GRM8: variants seen among roughly 807,000 people sequenced by gnomAD.
The protein encoded by GRM8 is glutamate metabotropic receptor 8.
Under a neutral mutation model 87.2 loss-of-function variants are expected in GRM8, and 47 were observed. The ratio of observed to expected loss-of-function variants is 0.54; its 90% CI spans 0.43 to 0.69. The LOEUF (loss-of-function observed/expected upper bound fraction) is 0.69, where lower values mean the gene tolerates loss of function less well. Ranked by LOEUF, GRM8 falls within the 30% of genes least tolerant of loss-of-function variation. GRM8 has a pLI of 0.00. For synonymous variants in GRM8, 396 were observed against 404.5 expected (o/e 0.98, Z 0.25); for missense variants, 1,019 against 1,139.2 (o/e 0.89, Z 1.52).
chr7:126,769,939 A>G lies in GRM8; in HGVS notation c.1283T>C (p.Ile428Thr), dbSNP rs1463511542. The change falls in exon 7 of 11, where the codon ATT becomes ACT. Residue 428 changes from isoleucine to threonine, a missense_variant. By Grantham distance (89) the Ile-to-Thr change is moderately conservative (BLOSUM62 -1). Transcript: ENST00000339582. The part of the protein sequence containing the change: ...NMHKDLCPGY[I>T]GLCPRMSTID... ...GGTACTCATTCGTGGACAAAGGCCA[A>G]TGTATCCAGGGCAGAGATCTTTGTG... 2.5e-6 allele frequency: 4 copies of G among 1,612,932 alleles called. No individual in the cohort carries two copies. The highest frequency in any genetic ancestry group is 1.7e-4 in the Middle Eastern group (1 of 6,054).
chr7:126,743,900 T>TA (rs34790716), intron 7 of GRM8, among the ~76,000 whole-genome samples: 58,504 of 150,354 alleles, frequency 0.39, 12,421 homozygotes, highest in Non-Finnish European at 0.48. Context: ...GCACTTATGG[T>TA]AAAAAAAAAT....
intron 3 of GRM8, among the ~76,000 whole-genome samples, chr7:127,016,595 C>T (rs951132689): frequency 2.6e-5 from 4 of 151,954 alleles, no homozygotes; most frequent in Non-Finnish European, 5.9e-5. Flanking sequence ...TTGACAAATG[C>T]ACCAAACAAA....
chr7:126,607,158 G>A (rs1395029936), intron 8 of GRM8, among the ~76,000 whole-genome samples: 1 of 152,166 alleles, frequency 6.6e-6, no homozygotes, highest in Non-Finnish European at 1.5e-5. Context: ...TCAATAACCT[G>A]TGGCATTATC....
intron 9 of GRM8, among the ~76,000 whole-genome samples, chr7:126,476,345 G>A (rs1346766471): frequency 2.0e-5 from 3 of 152,078 alleles, no homozygotes; most frequent in Admixed American, 2.0e-4. Context: ...TGAGCCCAGG[G>A]GTTCGAGGCT....
At chr7:126,499,516 C>T (rs78016583) in intron 9 of GRM8, among the ~76,000 whole-genome samples, 8 of 151,748 alleles carry the variant, frequency 5.3e-5, no homozygotes, top group African/African-American at 1.9e-4. Context: ...TCTGCACTCC[C>T]GTGTTCATTA....
chr7:126,446,114 C>G lies in GRM8; in HGVS notation c.2677+12G>C, dbSNP rs1801989809. 8 of 1,612,510 alleles carry G rather than the reference C, an allele frequency of 5.0e-6. No individual in the cohort carries two copies. The highest frequency in any genetic ancestry group is 2.2e-5 in the South Asian group (2 of 91,050). On this transcript the variant is annotated intron_variant, in intron 10 of 10. Coordinates refer to ENST00000339582, the MANE Select transcript of GRM8 (RefSeq NM_000845.3). ...CCGCTCTTGACCATCGGAAACTCTA[C>G]AGATGACTTACTGTTGGTTTCAAGA...
chr7:126,476,698 T>C (rs969537465), intron 9 of GRM8, among the ~76,000 whole-genome samples: 1 of 151,994 alleles, frequency 6.6e-6, no homozygotes, highest in African/African-American at 2.4e-5. Flanking sequence ...AATGACACAT[T>C]ACCTCACAAC....
In GRM8 at chr7:126,703,232, G is replaced by A. The variant is rs141580691; in HGVS notation, c.1357+66633C>T. Among the ~76,000 whole-genome samples the A allele has an allele frequency of 6.7e-4, 102 of 152,316 alleles. No homozygotes were observed. The East Asian group carries it at 0.018, about 27-fold the overall frequency. ...TGTCAGTAGTACTAGCAGGGGTGAGGAAAAGGAGGAATTAAATTCTTGGCT... is the reference window on the plus strand; with the variant it reads ...TGTCAGTAGTACTAGCAGGGGTGAGAAAAAGGAGGAATTAAATTCTTGGCT... On this transcript the variant is annotated intron_variant, in intron 7 of 10. Coordinates refer to ENST00000339582, the MANE Select transcript of GRM8 (RefSeq NM_000845.3).
intron 3 of GRM8, among the ~76,000 whole-genome samples, chr7:127,088,778 C>T (rs1823756551): frequency 6.6e-6 from 1 of 152,178 alleles, no homozygotes; most frequent in Non-Finnish European, 1.5e-5. Flanking sequence ...CTCTCTGTGG[C>T]TTTGACCATA....
intron 7 of GRM8, among the ~76,000 whole-genome samples, chr7:126,713,441 G>A (rs911326559): frequency 3.3e-4 from 50 of 152,080 alleles, no homozygotes; most frequent in African/African-American, 1.2e-3. Context: ...CACCAGGCCT[G>A]TTGGCAGGTA....
chr7:126,586,027 T>A (rs1315076659), intron 8 of GRM8, among the ~76,000 whole-genome samples: 1 of 152,112 alleles, frequency 6.6e-6, no homozygotes, highest in African/African-American at 2.4e-5. Context: ...AGCATTCTCA[T>A]ATACCAATAA....
chr7:126,945,874 G>C (rs1807480155), intron 3 of GRM8, among the ~76,000 whole-genome samples: 1 of 152,182 alleles, frequency 6.6e-6, no homozygotes, highest in African/African-American at 2.4e-5. Context: ...ATTATTAATA[G>C]TGTAACTTAG....
At chr7:127,109,068 C>T (rs562273301) in intron 2 of GRM8, among the ~76,000 whole-genome samples, 68 of 152,168 alleles carry the variant, frequency 4.5e-4, no homozygotes, top group Middle Eastern at 3.4e-3. Context: ...TTCTACCACC[C>T]GCAAATTAAA....
chr7:126,856,635 T>C (rs771889872), intron 6 of GRM8, among the ~76,000 whole-genome samples: 12 of 152,180 alleles, frequency 7.9e-5, no homozygotes, highest in Non-Finnish European at 1.6e-4. Context: ...CAGGAAATAT[T>C]TTAGCTAATT....
intron 9 of GRM8, among the ~76,000 whole-genome samples, chr7:126,505,315 T>C (rs935768293): frequency 2.0e-5 from 3 of 152,088 alleles, no homozygotes; most frequent in African/African-American, 7.2e-5. Context: ...ATACCTTAAG[T>C]ATCTTCTCGA....
At chr7:126,997,685 G>C (rs1354722186) in intron 3 of GRM8, among the ~76,000 whole-genome samples, 1 of 151,676 alleles carries the variant, frequency 6.6e-6, no homozygotes, top group African/African-American at 2.4e-5. Context: ...AATATGTGGA[G>C]GAAACGGATA....
At chr7:126,840,504 C>A (rs1161097797) in intron 6 of GRM8, among the ~76,000 whole-genome samples, 1 of 151,958 alleles carries the variant, frequency 6.6e-6, no homozygotes, top group Non-Finnish European at 1.5e-5. Context: ...TAGTTTTTTT[C>A]TCATTCATTA....
chr7:126,818,083 A>T (rs1221829496), intron 6 of GRM8, among the ~76,000 whole-genome samples: 1 of 152,180 alleles, frequency 6.6e-6, no homozygotes, highest in South Asian at 2.1e-4. Flanking sequence ...AAATTAAACA[A>T]AAAATTATTA....
intron 8 of GRM8, among the ~76,000 whole-genome samples, chr7:126,566,892 T>A (rs1034881795): frequency 6.6e-6 from 1 of 152,112 alleles, no homozygotes; most frequent in African/African-American, 2.4e-5. Context: ...TAAACAAACC[T>A]TAAGGATATT....
Sources: allele counts gnomAD v4.1 joint callset (sites outside exome capture counted in the v4.1 genomes callset), GRCh38; gene constraint gnomAD v4.1.1; transcripts MANE v1.5; gene names NCBI Gene and HGNC (gene_info 2026-07-23, HGNC 2026-07-21).